Variants in ANXA8 observed in about 807,000 individuals in gnomAD.
ANXA8 encodes VAC-beta.
A neutral mutation model predicts 26.8 loss-of-function variants in ANXA8; 9 were observed. The ratio of observed to expected loss-of-function variants is 0.34; its 90% confidence interval spans 0.20 to 0.59. ANXA8 has a LOEUF of 0.59. Ranked by LOEUF, ANXA8 falls within the 20% of genes least tolerant of loss-of-function variation. ANXA8 has a pLI of 0.84. For missense variants in ANXA8, 83 were observed against 238.5 expected, an observed-to-expected ratio of 0.35 and a Z score of 4.29; for synonymous variants, 39 against 94.8, an observed-to-expected ratio of 0.41 and a Z score of 3.42.
upstream of ANXA8, chr10:47,484,518 G>A (rs1238802276): frequency 1.7e-5 from 24 of 1,380,524 alleles, no homozygotes; most frequent in Middle Eastern, 2.2e-4. Flanking sequence ...GGTGGCAGGC[G>A]GCACAGCCAC....
the ANXA8 span, among the ~76,000 whole-genome samples, chr10:47,570,193 GT>G: frequency 8.6e-6 from 1 of 115,628 alleles, no homozygotes; most frequent in Non-Finnish European, 1.8e-5. Context: ...GTAAATATTT[GT>G]CATTTACCTT....
the ANXA8 span, among the ~76,000 whole-genome samples, chr10:47,779,005 C>A: frequency 1.3e-5 from 2 of 151,528 alleles, no homozygotes; most frequent in African/African-American, 4.9e-5. Flanking sequence ...AATTTCATAA[C>A]ATCAGTTATA....
the ANXA8 span, among the ~76,000 whole-genome samples, chr10:47,684,727 A>G: frequency 2.0e-5 from 3 of 151,460 alleles, no homozygotes; most frequent in Non-Finnish European, 4.4e-5. Flanking sequence ...CTGGGATTAC[A>G]GGTGTGTGCC....
chr10:47,562,773 A>G, the ANXA8 span, among the ~76,000 whole-genome samples: 1 of 143,508 alleles, frequency 7.0e-6, no homozygotes, highest in East Asian at 2.0e-4. Flanking sequence ...CAGGAAGGGA[A>G]AATGGCTTTC....
At chr10:47,724,112 T>G in the ANXA8 span, among the ~76,000 whole-genome samples, 1 of 135,384 alleles carries the variant, frequency 7.4e-6, no homozygotes, top group Non-Finnish European at 1.6e-5. Flanking sequence ...CAGGACAGTT[T>G]CTCATTATGT....
chr10:47,670,849 T>TA, the ANXA8 span, among the ~76,000 whole-genome samples: 1 of 151,100 alleles, frequency 6.6e-6, no homozygotes. Context: ...AACTCATCTA[T>TA]ATTCTATGGT....
At chr10:47,671,793 T>C in the ANXA8 span, among the ~76,000 whole-genome samples, 2 of 151,918 alleles carry the variant, frequency 1.3e-5, no homozygotes, top group African/African-American at 2.4e-5. Flanking sequence ...AGTTTTGCCA[T>C]TGATGTCTAG....
chr10:47,511,093 A>G, the ANXA8 span, among the ~76,000 whole-genome samples: 69,532 of 117,790 alleles, frequency 0.59, 24,652 homozygotes, highest in East Asian at 0.82. Flanking sequence ...ACAGGCGCCC[A>G]CCACCATGCC....
At chr10:47,604,893 G>A in the ANXA8 span, among the ~76,000 whole-genome samples, 1 of 150,610 alleles carries the variant, frequency 6.6e-6, no homozygotes, top group Admixed American at 6.6e-5. Flanking sequence ...GCAACATATA[G>A]TGGAATACAG....
the ANXA8 span, among the ~76,000 whole-genome samples, chr10:47,940,439 G>T: frequency 1.4e-5 from 2 of 147,316 alleles, 1 homozygote; most frequent in African/African-American, 5.2e-5. Context: ...GACTCCAGAG[G>T]GCTCCAGCAA....
chr10:47,721,193 T>G, the ANXA8 span, among the ~76,000 whole-genome samples: 2 of 141,552 alleles, frequency 1.4e-5, no homozygotes, highest in African/African-American at 5.1e-5. Context: ...CAACATTGAT[T>G]TATTAATAGT....
chr10:47,590,850 G>A, the ANXA8 span, among the ~76,000 whole-genome samples: 1 of 120,482 alleles, frequency 8.3e-6, no homozygotes, highest in Non-Finnish European at 1.6e-5. Context: ...CTTCAAATAC[G>A]GCCCCATTTC....
At chr10:47,648,216 T>G in the ANXA8 span, among the ~76,000 whole-genome samples, 2 of 98,358 alleles carry the variant, frequency 2.0e-5, 1 homozygote, top group Non-Finnish European at 4.9e-5. Flanking sequence ...CTCTTGCCTA[T>G]GTTTCTCTAG....
chr10:47,968,158 G>A, the ANXA8 span, among the ~76,000 whole-genome samples: 1 of 149,328 alleles, frequency 6.7e-6, no homozygotes, highest in Non-Finnish European at 1.5e-5. Flanking sequence ...ACTGTGCTTG[G>A]CTGAGTTCAC....
chr10:47,670,540 C>A, the ANXA8 span, among the ~76,000 whole-genome samples: 1 of 152,062 alleles, frequency 6.6e-6, no homozygotes, highest in South Asian at 2.1e-4. Flanking sequence ...CCATTAAAAA[C>A]TTTTTATTAT....
chr10:47,510,932 A>AT, the ANXA8 span, among the ~76,000 whole-genome samples: 408 of 132,652 alleles, frequency 3.1e-3, 10 homozygotes, highest in Non-Finnish European at 4.3e-3. Flanking sequence ...TAATTAATTA[A>AT]TTAATTTATT....
chr10:47,521,541 A>C, the ANXA8 span, among the ~76,000 whole-genome samples: 1 of 141,228 alleles, frequency 7.1e-6, no homozygotes, highest in Non-Finnish European at 1.5e-5. Flanking sequence ...AGAGTAATGA[A>C]ATCTCTGGCA....
chr10:47,493,191 A>G, the ANXA8 span, among the ~76,000 whole-genome samples: 1 of 150,510 alleles, frequency 6.6e-6, no homozygotes, highest in African/African-American at 2.5e-5. Context: ...GAATACAATA[A>G]TATGATTCTT....
the ANXA8 span, chr10:47,549,467 T>A: frequency 9.6e-7 from 1 of 1,040,700 alleles, no homozygotes; most frequent in Admixed American, 1.8e-5. Context: ...CATTTTTTAA[T>A]TGCATCCAGT....
Sources: gnomAD v4.1 joint callset for allele counts (sites outside exome capture counted in the v4.1 genomes callset) on GRCh38, gnomAD v4.1.1 for gene constraint, MANE v1.5 for transcripts, NCBI Gene and HGNC (gene_info 2026-07-23, HGNC 2026-07-21) for gene names.